C11orf65: variants seen among roughly 807,000 people sequenced by gnomAD.
C11orf65 encodes the protein chromosome 11 open reading frame 65.
A neutral mutation model predicts 35.3 loss-of-function variants in C11orf65; 38 were observed. That is an observed-to-expected ratio of 1.08 (90% confidence interval 0.83 to 1.41). The LOEUF is 1.41. C11orf65 is among the 40% of genes most tolerant of loss of function. The pLI is 0.00. For synonymous variants in C11orf65, 105 were observed against 114.4 expected, an observed-to-expected ratio of 0.92 and a Z score of 0.53; for missense variants, 370 against 367.1, an observed-to-expected ratio of 1.01 and a Z score of -0.06.
At chr11:108,320,524 A>G (rs1405658657) in intron 6 of C11orf65, among the ~76,000 whole-genome samples, 2 of 152,200 alleles carry the variant, frequency 1.3e-5, no homozygotes, top group African/African-American at 4.8e-5. Context: ...ACAGAAATAA[A>G]ATTTACTATC....
chr11:108,363,616 A>C (rs554404440), intron 2 of C11orf65, among the ~76,000 whole-genome samples: 1 of 152,140 alleles, frequency 6.6e-6, no homozygotes, highest in Non-Finnish European at 1.5e-5. Flanking sequence ...CAGAATGTAC[A>C]AGTTAGCCCC....
In C11orf65 at chr11:108,406,858, T is replaced by C. The variant is rs2092550551; in HGVS notation, c.334A>G (p.Thr112Ala). Residue 112 changes from threonine to alanine, a missense_variant, in exon 5 of 9, where the codon ACA (threonine) becomes GCA (alanine). Transcript: ENST00000393084. ...AGATGATCATTTTTATTATGAGATGTATGCTTTGCTGGAAGTTTTGCATAA... is the reference window on the plus strand; with the variant it reads ...AGATGATCATTTTTATTATGAGATGCATGCTTTGCTGGAAGTTTTGCATAA... ...RNYAKLPAKH[T>A]SHNKNDHLQE... 1 of 1,612,518 alleles carries C rather than the reference T, an allele frequency of 6.2e-7. No homozygotes were observed. Among genetic ancestry groups the C allele is most frequent in the South Asian group, 1.1e-5 (1 of 91,042 alleles).
chr11:108,446,852 G>T (rs1467433590), intron 2 of C11orf65, among the ~76,000 whole-genome samples: 2 of 152,120 alleles, frequency 1.3e-5, no homozygotes, highest in Non-Finnish European at 2.9e-5. Flanking sequence ...TGGATAAAGA[G>T]TCAAGACCCA....
At chr11:108,363,923 A>G (rs1295043405) in intron 2 of C11orf65, among the ~76,000 whole-genome samples, 1 of 152,168 alleles carries the variant, frequency 6.6e-6, no homozygotes, top group African/African-American at 2.4e-5. Context: ...AATAAAATAT[A>G]TTAATATTTC....
chr11:108,332,925 G>T (rs1249429262), intron 3 of C11orf65: 1 of 1,604,636 alleles, frequency 6.2e-7, no homozygotes. Context: ...AAGAAGAAAC[G>T]TTACTTTCTT....
At chr11:108,399,477 A>G (rs1000430027) in intron 6 of C11orf65, among the ~76,000 whole-genome samples, 2 of 152,150 alleles carry the variant, frequency 1.3e-5, no homozygotes, top group Non-Finnish European at 2.9e-5. Context: ...TTCTAGGCCA[A>G]CCGAGGAATT....
chr11:108,349,251 A>G (rs2088873753), intron 2 of C11orf65, among the ~76,000 whole-genome samples: 1 of 152,218 alleles, frequency 6.6e-6, no homozygotes, highest in Non-Finnish European at 1.5e-5. Flanking sequence ...CTGAAAATAG[A>G]CCTTTGAATT....
intron 8 of C11orf65, among the ~76,000 whole-genome samples, chr11:108,384,820 T>C (rs2091951552): frequency 6.6e-6 from 1 of 152,094 alleles, no homozygotes; most frequent in Non-Finnish European, 1.5e-5. Context: ...TCCACAATCC[T>C]AACCTCTTTG....
chr11:108,431,864 T>A, intron 2 of C11orf65, 26 bp from the exon 3 acceptor site: 1 of 1,345,542 alleles, frequency 7.4e-7, no homozygotes, highest in Non-Finnish European at 1.0e-6. Context: ...CAAGATTTCA[T>A]GATCAAAACT....
At chr11:108,440,220 T>C (rs1434349428) in intron 2 of C11orf65, among the ~76,000 whole-genome samples, 1 of 152,206 alleles carries the variant, frequency 6.6e-6, no homozygotes, top group East Asian at 1.9e-4. Flanking sequence ...CTTAACCCTC[T>C]AAAAGAATAT....
In C11orf65 at chr11:108,393,324, T is replaced by C. The variant is rs762568206; in HGVS notation, c.615A>G (p.Leu205=). 1 of 1,614,096 alleles carries C rather than the reference T, an allele frequency of 6.2e-7. No individual in the cohort carries two copies. The highest frequency in any genetic ancestry group is 1.1e-5 in the South Asian group (1 of 91,082). ...AKSTHHETLG[L]IHTATKGLIR... Reference sequence around the variant, plus strand: ...TCAGCCCCTTTGTTGCAGTGTGAATTAGTCCTAGAGTTTCATGATGTGTTG... The same window carrying C: ...TCAGCCCCTTTGTTGCAGTGTGAATCAGTCCTAGAGTTTCATGATGTGTTG... The change falls in exon 7 of 9, where the codon CTA becomes CTG. Residue 205 remains leucine (L), a synonymous_variant. Transcript: ENST00000393084.
rs192812066 is a variant in C11orf65 at position 108,333,373 on chromosome 11, T to C, written c.300-1806A>G. Reference sequence around the variant, plus strand: ...AATAATTACAAGCTGCTATATAATCTTTGGTTTTGTGACTAGTCTCTAAGT... The same window carrying C: ...AATAATTACAAGCTGCTATATAATCCTTGGTTTTGTGACTAGTCTCTAAGT... On this transcript the variant is annotated intron_variant, in intron 3 of 3. Coordinates refer to the C11orf65 transcript ENST00000524755. Among the ~76,000 whole-genome samples, 9 of 152,314 alleles carry C rather than the reference T, an allele frequency of 5.9e-5. No homozygotes were observed. In the East Asian group the frequency reaches 1.7e-3, roughly 29 times the overall value.
intron 2 of C11orf65, chr11:108,367,894 T>C (rs1415094927): frequency 2.0e-5 from 4 of 205,060 alleles, no homozygotes; most frequent in Non-Finnish European, 3.0e-5. Context: ...TTTATTACTA[T>C]AGTAAATCAA....
chr11:108,444,757 T>C (rs111251303), intron 2 of C11orf65, among the ~76,000 whole-genome samples: 2,688 of 152,080 alleles, frequency 0.018, 81 homozygotes, highest in African/African-American at 0.06. Flanking sequence ...GCAGTGGGTG[T>C]AGGACACTGG....
intron 3 of C11orf65, chr11:108,332,741 T>C: frequency 6.2e-7 from 1 of 1,608,510 alleles, no homozygotes; most frequent in Non-Finnish European, 8.5e-7. Context: ...TTATGTAATG[T>C]TTTTTGTTTT....
At chr11:108,419,510 C>CA (rs1429436044) in intron 3 of C11orf65, among the ~76,000 whole-genome samples, 2 of 152,034 alleles carry the variant, frequency 1.3e-5, no homozygotes, top group African/African-American at 4.8e-5. Flanking sequence ...CCAGTCTGGG[C>CA]AACATAGGAA....
At chr11:108,334,085 T>G in intron 3 of C11orf65, 2 of 759,620 alleles carry the variant, frequency 2.6e-6, no homozygotes, top group Non-Finnish European at 4.5e-6. Context: ...AAATTTCATA[T>G]GTTTCAACCT....
intron 3 of C11orf65, among the ~76,000 whole-genome samples, chr11:108,420,307 G>T (rs776906406): frequency 1.3e-5 from 2 of 152,144 alleles, no homozygotes; most frequent in African/African-American, 2.4e-5. Context: ...AGTGCCACAG[G>T]TTTATTAGGG....
At chr11:108,356,893 T>C (rs2090003870) in intron 2 of C11orf65, among the ~76,000 whole-genome samples, 1 of 152,210 alleles carries the variant, frequency 6.6e-6, no homozygotes, top group Non-Finnish European at 1.5e-5. Context: ...GATTTGCATC[T>C]CCACCTACAA....
Sources: allele counts gnomAD v4.1 joint callset (sites outside exome capture counted in the v4.1 genomes callset), GRCh38; gene constraint gnomAD v4.1.1; transcripts MANE v1.5; gene names NCBI Gene and HGNC (gene_info 2026-07-23, HGNC 2026-07-21).